NTM: variants seen among roughly 807,000 people sequenced by gnomAD.
The protein encoded by NTM is neurotrimin.
A neutral mutation model predicts 42.1 loss-of-function variants in NTM; 13 were observed. That is an observed-to-expected ratio of 0.31 (90% CI 0.20 to 0.49). NTM has a LOEUF of 0.49. Among genes scored for constraint, NTM ranks in the 20% least tolerant of loss-of-function variants. The pLI is 0.99. For missense variants in NTM, 373 were observed against 452.8 expected (o/e 0.82, Z 1.60); for synonymous variants, 187 against 179.2 (o/e 1.04, Z -0.35).
intron 1 of NTM, among the ~76,000 whole-genome samples, chr11:131,440,436 A>C (rs1363509832): frequency 6.6e-6 from 1 of 152,048 alleles, no homozygotes; most frequent in Non-Finnish European, 1.5e-5. Context: ...AAAACTTCCA[A>C]TCTGCTTAAG....
chr11:131,828,302 A>C (rs1053211460), intron 1 of NTM, among the ~76,000 whole-genome samples: 3 of 152,120 alleles, frequency 2.0e-5, no homozygotes, highest in Non-Finnish European at 4.4e-5. Flanking sequence ...TATTAACACC[A>C]GTATCACCAC....
At chr11:131,625,307 G>T (rs928101067) in intron 1 of NTM, among the ~76,000 whole-genome samples, 1 of 152,166 alleles carries the variant, frequency 6.6e-6, no homozygotes, top group Non-Finnish European at 1.5e-5. Flanking sequence ...TGGTCTTTAT[G>T]GACCCCTCTG....
At chr11:132,238,103 T>C (rs2089426508) in intron 4 of NTM, among the ~76,000 whole-genome samples, 1 of 152,172 alleles carries the variant, frequency 6.6e-6, no homozygotes, top group South Asian at 2.1e-4. Flanking sequence ...CAGCATTAAT[T>C]TGGCTGCAGT....
chr11:131,456,843 T>A (rs1950943980), intron 1 of NTM, among the ~76,000 whole-genome samples: 1 of 150,164 alleles, frequency 6.7e-6, no homozygotes, highest in East Asian at 2.1e-4. Context: ...CTAAATTGGA[T>A]TATTTGCTGG....
chr11:131,911,328 G>A, intron 1 of NTM: 2 of 1,477,520 alleles, frequency 1.4e-6, no homozygotes, highest in South Asian at 1.4e-5. Context: ...ACTCGGAGGA[G>A]TCTGCGCGCT....
intron 1 of NTM, among the ~76,000 whole-genome samples, chr11:131,741,194 A>AGG (rs1373696847): frequency 6.3e-5 from 8 of 127,646 alleles, no homozygotes; most frequent in African/African-American, 2.2e-4. Flanking sequence ...AGAGAGAGAG[A>AGG]GAGAGAGAGA....
intron 2 of NTM, among the ~76,000 whole-genome samples, chr11:131,942,945 C>CAA (rs5795748): frequency 1.2e-4 from 16 of 138,738 alleles, no homozygotes; most frequent in African/African-American, 4.1e-4. Flanking sequence ...GACCCTGTCT[C>CAA]AAAAAAAAAA....
chr11:132,256,339 CTTCCCTCACCCCTCCAG>C (rs2092467447), intron 4 of NTM, among the ~76,000 whole-genome samples: 3 of 152,246 alleles, frequency 2.0e-5, no homozygotes, highest in African/African-American at 7.2e-5. Flanking sequence ...TCACCCAGTG[CTTCCCTCACCCCTCCAG>C]TGTCCATCAC....
At chr11:131,875,685 C>T (rs2048434286) in intron 1 of NTM, among the ~76,000 whole-genome samples, 1 of 152,204 alleles carries the variant, frequency 6.6e-6, no homozygotes, top group South Asian at 2.1e-4. Context: ...CACAATGAAT[C>T]GCATAAGAAA....
intron 1 of NTM, among the ~76,000 whole-genome samples, chr11:131,485,278 A>C (rs995813020): frequency 6.7e-6 from 1 of 149,862 alleles, no homozygotes; most frequent in South Asian, 2.1e-4. Context: ...AGGATGAAGG[A>C]TGAAGGCTGT....
intron 7 of NTM, among the ~76,000 whole-genome samples, chr11:132,323,030 G>A (rs1470520405): frequency 1.5e-5 from 2 of 134,602 alleles, no homozygotes; most frequent in South Asian, 2.5e-4. Context: ...ATTCAAAGCA[G>A]TGTGTAGAGG....
intron 1 of NTM, among the ~76,000 whole-genome samples, chr11:131,517,379 T>C (rs141062088): frequency 6.6e-6 from 1 of 152,318 alleles, no homozygotes; most frequent in Non-Finnish European, 1.5e-5. Context: ...CCTCCATCCT[T>C]GGTTACGGCA....
chr11:131,814,251 CT>C (rs1401925605), intron 1 of NTM, among the ~76,000 whole-genome samples: 3 of 152,152 alleles, frequency 2.0e-5, no homozygotes, highest in Non-Finnish European at 4.4e-5. Context: ...GCTATGTTCC[CT>C]GGTGTTTCCC....
At chr11:131,969,076 G>A (rs1458991035) in intron 2 of NTM, among the ~76,000 whole-genome samples, 1 of 152,168 alleles carries the variant, frequency 6.6e-6, no homozygotes, top group Non-Finnish European at 1.5e-5. Flanking sequence ...AAACAGAAGA[G>A]GGCTAATTCT....
chr11:131,506,154 A>G (rs2047462791), intron 1 of NTM, among the ~76,000 whole-genome samples: 1 of 152,154 alleles, frequency 6.6e-6, no homozygotes, highest in Non-Finnish European at 1.5e-5. Context: ...AAGCATAGAC[A>G]AATCAGGGAG....
chr11:132,039,810 T>C (rs555155235), intron 2 of NTM, among the ~76,000 whole-genome samples: 1 of 149,142 alleles, frequency 6.7e-6, no homozygotes, highest in Non-Finnish European at 1.5e-5. Context: ...TTACTTTCTC[T>C]CTCTGCGGCG....
chr11:131,602,668 G>A (rs73030256), intron 1 of NTM, among the ~76,000 whole-genome samples: 3,374 of 152,184 alleles, frequency 0.022, 55 homozygotes, highest in South Asian at 0.038. Context: ...CTGAGTTCTA[G>A]ACTCACACAT....
chr11:131,500,991 A>C (rs2046749033), intron 1 of NTM, among the ~76,000 whole-genome samples: 1 of 151,686 alleles, frequency 6.6e-6, no homozygotes, highest in African/African-American at 2.4e-5. Flanking sequence ...GATTAAGAAA[A>C]TGTGACCCTA....
At chr11:131,686,578 G>A (rs1479495101) in intron 1 of NTM, among the ~76,000 whole-genome samples, 1 of 152,166 alleles carries the variant, frequency 6.6e-6, no homozygotes, top group Non-Finnish European at 1.5e-5. Flanking sequence ...AGGCAGAAGA[G>A]GAGGAGGCAG....
Sources: allele counts gnomAD v4.1 joint callset (sites outside exome capture counted in the v4.1 genomes callset), GRCh38; gene constraint gnomAD v4.1.1; transcripts MANE v1.5; gene names NCBI Gene and HGNC (gene_info 2026-07-23, HGNC 2026-07-21).